Variants in GPR141 observed in about 807,000 individuals in gnomAD.
The protein encoded by GPR141 is G protein-coupled receptor 141.
In GPR141, 6 loss-of-function variants were observed where a neutral mutation model predicts 6.8. The ratio of observed to expected loss-of-function variants is 0.88; its 90% confidence interval spans 0.48 to 1.74. The LOEUF (loss-of-function observed/expected upper bound fraction) is 1.74, where lower values mean the gene tolerates loss of function less well. Ranked by LOEUF, GPR141 falls within the 40% of genes most tolerant of loss-of-function variation. GPR141 has a pLI of 0.01. For synonymous variants in GPR141, 140 were observed against 142.3 expected (o/e 0.98, Z 0.11); for missense variants, 372 against 372.9 (o/e 1.00, Z 0.02).
intron 2 of GPR141, among the ~76,000 whole-genome samples, chr7:37,729,555 A>G (rs946583822): frequency 2.0e-5 from 3 of 152,252 alleles, no homozygotes; most frequent in African/African-American, 7.2e-5. Context: ...AAAGAAATTC[A>G]AAGTTAAAAA....
intron 2 of GPR141, among the ~76,000 whole-genome samples, chr7:37,698,908 G>A (rs556188884): frequency 8.1e-4 from 124 of 152,318 alleles, no homozygotes; most frequent in African/African-American, 2.9e-3. Context: ...CCTACGTCAA[G>A]ATAAACTTTG....
At chr7:37,715,528 C>A (rs1430448468) in intron 2 of GPR141, among the ~76,000 whole-genome samples, 1 of 152,148 alleles carries the variant, frequency 6.6e-6, no homozygotes. Context: ...TGTTCAGCAT[C>A]CAGTCTTACG....
intron 2 of GPR141, among the ~76,000 whole-genome samples, chr7:37,722,744 G>C: frequency 6.9e-6 from 1 of 145,174 alleles, no homozygotes; most frequent in Non-Finnish European, 1.5e-5. Flanking sequence ...AAAAAGTTCA[G>C]AAACTCCAAG....
chr7:37,725,311 T>C (rs1246794848), intron 2 of GPR141, among the ~76,000 whole-genome samples: 2 of 152,142 alleles, frequency 1.3e-5, no homozygotes, highest in Non-Finnish European at 2.9e-5. Flanking sequence ...GTCCCATCTG[T>C]TCAAGGTGCA....
intron 2 of GPR141, among the ~76,000 whole-genome samples, chr7:37,726,452 G>A (rs1208345826): frequency 6.6e-6 from 1 of 152,148 alleles, no homozygotes; most frequent in Non-Finnish European, 1.5e-5. Context: ...GCAATGAAGA[G>A]TTGACCAACT....
intron 1 of GPR141, among the ~76,000 whole-genome samples, chr7:37,684,495 T>G (rs893057599): frequency 1.3e-5 from 2 of 152,206 alleles, no homozygotes; most frequent in African/African-American, 4.8e-5. Flanking sequence ...AATAACTTCT[T>G]AAATAAGATA....
rs10282343 is a variant in GPR141 at position 37,717,216 on chromosome 7, A to T, written c.-14-23164A>T. Among the ~76,000 whole-genome samples, 978 of 152,366 alleles carry T rather than the reference A, an allele frequency of 6.4e-3. 11 individuals are homozygous for T. The highest frequency in any genetic ancestry group is 0.023 in the African/African-American group (936 of 41,586). On this transcript the variant is annotated intron_variant, in intron 2 of 2. Transcript: ENST00000334425. ...AGGGAATGTGGTTCAGAAAATATGC[A>T]TGAGGGCTTGCGAGAAGAAGAATGA...
At chr7:37,725,718 G>A (rs1407810807) in intron 2 of GPR141, among the ~76,000 whole-genome samples, 2 of 152,194 alleles carry the variant, frequency 1.3e-5, no homozygotes, top group East Asian at 1.9e-4. Flanking sequence ...GTCACAGAGT[G>A]ATAGACAAAA....
chr7:37,739,089 G>T (rs1812402715), intron 2 of GPR141, among the ~76,000 whole-genome samples: 1 of 152,032 alleles, frequency 6.6e-6, no homozygotes, highest in Non-Finnish European at 1.5e-5. Context: ...CCCCTCACAA[G>T]GTGCTATCAC....
chr7:37,716,448 TATG>T (rs1811054675), intron 2 of GPR141, among the ~76,000 whole-genome samples: 1 of 152,156 alleles, frequency 6.6e-6, no homozygotes, highest in African/African-American at 2.4e-5. Context: ...CTCTGTGTGA[TATG>T]ATGCTGAGAG....
At chr7:37,704,835 C>T (rs1170781569) in intron 2 of GPR141, among the ~76,000 whole-genome samples, 1 of 152,116 alleles carries the variant, frequency 6.6e-6, no homozygotes, top group East Asian at 1.9e-4. Flanking sequence ...TGAAATTATT[C>T]TTTTCTACTA....
intron 2 of GPR141, among the ~76,000 whole-genome samples, chr7:37,691,687 C>A (rs1809776022): frequency 6.6e-6 from 1 of 152,170 alleles, no homozygotes; most frequent in Non-Finnish European, 1.5e-5. Context: ...CTCCCTTGAG[C>A]ATTTTTTGGT....
chr7:37,692,757 G>A (rs1159401051), intron 2 of GPR141, among the ~76,000 whole-genome samples: 1 of 152,158 alleles, frequency 6.6e-6, no homozygotes, highest in Non-Finnish European at 1.5e-5. Flanking sequence ...GTGATGATGA[G>A]CTTTTTTTCA....
At chr7:37,732,493 C>T (rs1812016041) in intron 2 of GPR141, among the ~76,000 whole-genome samples, 1 of 151,996 alleles carries the variant, frequency 6.6e-6, no homozygotes, top group Non-Finnish European at 1.5e-5. Flanking sequence ...AAGTCTTGTG[C>T]AATGTCCTGA....
At chr7:37,737,789 T>TA (rs1812318749) in intron 2 of GPR141, among the ~76,000 whole-genome samples, 2 of 152,208 alleles carry the variant, frequency 1.3e-5, no homozygotes, top group Admixed American at 6.5e-5. Flanking sequence ...CTAAGGCACA[T>TA]ACAAGCACTC....
At chr7:37,731,501 T>C (rs1007346966) in intron 2 of GPR141, among the ~76,000 whole-genome samples, 3 of 152,240 alleles carry the variant, frequency 2.0e-5, no homozygotes, top group Non-Finnish European at 4.4e-5. Context: ...TGGAGTGCAA[T>C]GGCAGGATCT....
intron 2 of GPR141, among the ~76,000 whole-genome samples, chr7:37,686,676 A>T (rs78261029): frequency 0.029 from 4,409 of 152,264 alleles, 235 homozygotes; most frequent in African/African-American, 0.1. Context: ...TACCATAGAT[A>T]GTGAAGGCTT....
intron 2 of GPR141, among the ~76,000 whole-genome samples, chr7:37,710,068 A>G (rs1810717127): frequency 1.3e-5 from 2 of 152,228 alleles, no homozygotes; most frequent in African/African-American, 4.8e-5. Context: ...AACTGAGAGT[A>G]CGTGATGACC....
At chr7:37,735,362 A>G (rs1381301302) in intron 2 of GPR141, among the ~76,000 whole-genome samples, 1 of 152,200 alleles carries the variant, frequency 6.6e-6, no homozygotes, top group Non-Finnish European at 1.5e-5. Context: ...GGGGGATGGG[A>G]GACTAATATC....
Sources: gnomAD v4.1 joint callset for allele counts (sites outside exome capture counted in the v4.1 genomes callset) on GRCh38, gnomAD v4.1.1 for gene constraint, MANE v1.5 for transcripts, NCBI Gene and HGNC (gene_info 2026-07-23, HGNC 2026-07-21) for gene names.